The following NSUN6 variants were observed in gnomAD, a reference collection of about 807,000 sequenced individuals.
NSUN6 encodes the protein NOP2/Sun RNA methyltransferase 6, also known as tRNA (cytosine(72)-C(5))-methyltransferase NSUN6.
Under a neutral mutation model 58.0 loss-of-function variants are expected in NSUN6, and 64 were observed. The ratio of observed to expected loss-of-function variants is 1.10; its 90% CI spans 0.90 to 1.36. The LOEUF is 1.36. Ranked by LOEUF, NSUN6 falls within the 40% of genes most tolerant of loss-of-function variation. NSUN6 has a pLI of 0.00. For synonymous variants in NSUN6, 231 were observed against 193.9 expected, an observed-to-expected ratio of 1.19 and a Z score of -1.59; for missense variants, 701 against 550.1, an observed-to-expected ratio of 1.27 and a Z score of -2.74.
intron 3 of NSUN6, among the ~76,000 whole-genome samples, chr10:18,624,065 T>C (rs1453950234): frequency 1.3e-5 from 2 of 152,000 alleles, no homozygotes; most frequent in East Asian, 3.9e-4. Context: ...AAGGTAGATT[T>C]TAAAAATGTA....
chr10:18,575,918 T>G (rs2056625043), intron 8 of NSUN6, among the ~76,000 whole-genome samples: 1 of 152,080 alleles, frequency 6.6e-6, no homozygotes, highest in African/African-American at 2.4e-5. Context: ...GAGTTCCGGG[T>G]GCATCAAGAT....
chr10:18,576,869 C>G (rs1027236065), intron 8 of NSUN6, among the ~76,000 whole-genome samples: 2 of 152,138 alleles, frequency 1.3e-5, no homozygotes, highest in Non-Finnish European at 2.9e-5. Flanking sequence ...CCCTTTCACC[C>G]TGGCATTTCA....
chr10:18,616,950 A>G (rs1464006473), intron 3 of NSUN6, among the ~76,000 whole-genome samples: 2 of 152,130 alleles, frequency 1.3e-5, no homozygotes, highest in Non-Finnish European at 2.9e-5. Context: ...CCTGTCTTCA[A>G]TTCCATGATC....
chr10:18,586,754 T>G (rs895559001), intron 7 of NSUN6, among the ~76,000 whole-genome samples: 1 of 152,130 alleles, frequency 6.6e-6, no homozygotes, highest in Non-Finnish European at 1.5e-5. Context: ...GTTTCCACTA[T>G]GTGGAAGGGG....
intron 8 of NSUN6, among the ~76,000 whole-genome samples, chr10:18,585,706 G>C (rs571965108): frequency 6.6e-6 from 1 of 152,142 alleles, no homozygotes; most frequent in African/African-American, 2.4e-5. Flanking sequence ...TCAGATGGAC[G>C]GGAGTAAGTT....
intron 8 of NSUN6, among the ~76,000 whole-genome samples, chr10:18,555,922 G>GAATGGAATGGA (rs2054979282): frequency 6.7e-6 from 1 of 150,326 alleles, no homozygotes; most frequent in Non-Finnish European, 1.5e-5. Flanking sequence ...GAATGGAATG[G>GAATGGAATGGA]AATGGAATGG....
At chr10:18,655,776 T>C (rs2059770958), upstream of NSUN6, among the ~76,000 whole-genome samples, 1 of 148,698 alleles carries the variant, frequency 6.7e-6, no homozygotes, top group Non-Finnish European at 1.5e-5. Context: ...ACTGCCACAC[T>C]GAGCAGCCGA....
chr10:18,601,074 C>T (rs1227308919), intron 6 of NSUN6, among the ~76,000 whole-genome samples: 1 of 148,746 alleles, frequency 6.7e-6, no homozygotes, highest in Non-Finnish European at 1.5e-5. Flanking sequence ...TTATGAACTA[C>T]CTCATCTTCT....
chr10:18,577,022 G>A (rs536962744), intron 8 of NSUN6, among the ~76,000 whole-genome samples: 1 of 152,252 alleles, frequency 6.6e-6, no homozygotes, highest in African/African-American at 2.4e-5. Flanking sequence ...ATAGCTGCAG[G>A]ATTTGAGTCA....
At chr10:18,556,828 A>G (rs568164597) in intron 8 of NSUN6, among the ~76,000 whole-genome samples, 5 of 151,252 alleles carry the variant, frequency 3.3e-5, no homozygotes, top group Admixed American at 1.3e-4. Context: ...AGTGGAATGC[A>G]ATGGAGAATG....
intron 8 of NSUN6, among the ~76,000 whole-genome samples, chr10:18,582,915 G>A (rs1286230934): frequency 6.6e-6 from 1 of 152,160 alleles, no homozygotes; most frequent in Admixed American, 6.5e-5. Flanking sequence ...GCCTGGGGAG[G>A]AGGTGAATTA....
chr10:18,628,417 G>C (rs191906852), intron 3 of NSUN6, among the ~76,000 whole-genome samples: 3 of 152,192 alleles, frequency 2.0e-5, no homozygotes, highest in African/African-American at 2.4e-5. Context: ...ATGACTTTGA[G>C]GAGCTGAGAG....
chr10:18,640,829 A>G (rs1385479348), intron 3 of NSUN6, among the ~76,000 whole-genome samples: 1 of 151,962 alleles, frequency 6.6e-6, no homozygotes, highest in African/African-American at 2.4e-5. Context: ...ATACAAATCA[A>G]CTTTAATTGC....
intron 8 of NSUN6, among the ~76,000 whole-genome samples, chr10:18,573,282 A>T (rs7908550): frequency 0.81 from 122,064 of 150,944 alleles, 49,267 homozygotes; most frequent in East Asian, 0.98. Flanking sequence ...CATTCTGCAT[A>T]CTCCATCCCA....
At chr10:18,571,016 C>CCCATT (rs963915017) in intron 8 of NSUN6, among the ~76,000 whole-genome samples, 2 of 150,052 alleles carry the variant, frequency 1.3e-5, no homozygotes, top group African/African-American at 4.9e-5. Flanking sequence ...CATTCAATTC[C>CCCATT]CCATTCCATT....
chr10:18,593,083 C>T (rs892877586), intron 7 of NSUN6, among the ~76,000 whole-genome samples: 2 of 152,106 alleles, frequency 1.3e-5, no homozygotes, highest in African/African-American at 4.8e-5. Flanking sequence ...AACATTTATG[C>T]TGCCAATAAA....
Position 18,549,999 on chromosome 10 carries a change from A to C in NSUN6, c.1072-1762T>G, listed in dbSNP as rs188720295. ...GAAAACAATGTACCTAAAGTCACTT[A>C]GGTGGAAGAGCCATGGCTCAAGTCA... On this transcript the variant is annotated intron_variant, in intron 9 of 10. Coordinates refer to ENST00000377304, the MANE Select transcript of NSUN6 (RefSeq NM_182543.5). 1.3e-5 allele frequency among the ~76,000 whole-genome samples: 2 copies of C among 152,372 alleles called. 1 individual carries two copies. Among genetic ancestry groups the C allele is most frequent in the East Asian group, 3.9e-4 (2 of 5,184 alleles).
chr10:18,643,759 A>C (rs542938935), intron 2 of NSUN6, among the ~76,000 whole-genome samples: 50 of 152,356 alleles, frequency 3.3e-4, no homozygotes, highest in African/African-American at 1.2e-3. Flanking sequence ...TGCCAAAGAG[A>C]AGATAATGAA....
At chr10:18,616,436 A>G (rs576974036) in intron 3 of NSUN6, 143 bp from the exon 4 acceptor site, 2 of 514,088 alleles carry the variant, frequency 3.9e-6, no homozygotes, top group South Asian at 3.2e-5. Flanking sequence ...AGAGGCATAC[A>G]TATAGAGGAA....
Sources: allele counts gnomAD v4.1 joint callset (sites outside exome capture counted in the v4.1 genomes callset), GRCh38; gene constraint gnomAD v4.1.1; transcripts MANE v1.5; gene names NCBI Gene and HGNC (gene_info 2026-07-23, HGNC 2026-07-21).